The following USH2A variants were observed in gnomAD, a reference collection of about 807,000 sequenced individuals.
USH2A encodes Usher syndrome 2A (autosomal recessive, mild).
A neutral mutation model predicts 538.9 loss-of-function variants in USH2A; 443 were observed. The ratio of observed to expected loss-of-function variants is 0.82; its 90% confidence interval spans 0.76 to 0.89. The LOEUF (loss-of-function observed/expected upper bound fraction) is 0.89. Ranked by LOEUF, USH2A falls within the 40% of genes least tolerant of loss-of-function variation. The pLI is 0.00. For synonymous variants in USH2A, 2,413 were observed against 2,273.5 expected, an observed-to-expected ratio of 1.06 and a Z score of -1.75; for missense variants, 6,633 against 6,324.8, an observed-to-expected ratio of 1.05 and a Z score of -1.65.
intron 14 of USH2A, among the ~76,000 whole-genome samples, chr1:216,226,644 C>T (rs1414279318): frequency 6.6e-6 from 1 of 152,194 alleles, no homozygotes; most frequent in Non-Finnish European, 1.5e-5. Context: ...GTATCTCTCA[C>T]CTTTTGTTTT....
At chr1:216,294,140 TA>T (rs1264089063) in intron 9 of USH2A, among the ~76,000 whole-genome samples, 1 of 152,200 alleles carries the variant, frequency 6.6e-6, no homozygotes, top group Non-Finnish European at 1.5e-5. Flanking sequence ...TTTAACTTTC[TA>T]ATATAAATAC....
chr1:215,995,137 C>A (rs1485742601), intron 34 of USH2A, among the ~76,000 whole-genome samples: 1 of 152,036 alleles, frequency 6.6e-6, no homozygotes, highest in African/African-American at 2.4e-5. Context: ...CTATACTATA[C>A]AACATATAAG....
At chr1:215,844,598 G>C in intron 45 of USH2A, 102 bp from the exon 46 acceptor site, 2 of 1,208,286 alleles carry the variant, frequency 1.7e-6, no homozygotes, top group Non-Finnish European at 2.4e-6. Context: ...AGGGTTCCTC[G>C]CTTATCTGCT....
intron 38 of USH2A, among the ~76,000 whole-genome samples, chr1:215,914,895 T>C (rs1385264420): frequency 1.3e-5 from 2 of 152,178 alleles, no homozygotes; most frequent in Non-Finnish European, 2.9e-5. Context: ...TTAATTGAGT[T>C]GTTTATTAAA....
chr1:216,003,361 C>T (rs186772328), intron 32 of USH2A, among the ~76,000 whole-genome samples: 5 of 152,140 alleles, frequency 3.3e-5, no homozygotes, highest in South Asian at 2.1e-4. Flanking sequence ...GAATGTGTAA[C>T]GGAGTTTAAG....
intron 30 of USH2A, among the ~76,000 whole-genome samples, chr1:216,057,147 A>T (rs575993652): frequency 6.6e-5 from 10 of 151,426 alleles, no homozygotes; most frequent in South Asian, 2.1e-4. Context: ...TTTTTTTTTT[A>T]AAAAACAACT....
At chr1:216,166,993 T>C (rs1217558798) in intron 21 of USH2A, among the ~76,000 whole-genome samples, 2 of 152,114 alleles carry the variant, frequency 1.3e-5, no homozygotes, top group Non-Finnish European at 2.9e-5. Context: ...CATGCCTTTA[T>C]TTTGAAGTTG....
chr1:216,307,756 C>G (rs1420489195), intron 9 of USH2A, among the ~76,000 whole-genome samples: 6 of 152,198 alleles, frequency 3.9e-5, no homozygotes, highest in Non-Finnish European at 8.8e-5. Flanking sequence ...CCACAGGGCT[C>G]TTCCCCCTGC....
chr1:215,954,265 G>T (rs1039726373), intron 37 of USH2A, among the ~76,000 whole-genome samples: 2 of 151,958 alleles, frequency 1.3e-5, no homozygotes, highest in Non-Finnish European at 2.9e-5. Flanking sequence ...ACATGCACAC[G>T]TATGTTTATT....
intron 44 of USH2A, among the ~76,000 whole-genome samples, chr1:215,855,870 G>T (rs889765767): frequency 1.3e-5 from 2 of 152,096 alleles, no homozygotes; most frequent in Admixed American, 1.3e-4. Context: ...AGAGAACTCA[G>T]AAATAAAGCC....
intron 35 of USH2A, among the ~76,000 whole-genome samples, chr1:215,982,144 C>T (rs1487646134): frequency 3.3e-5 from 5 of 152,222 alleles, no homozygotes; most frequent in Admixed American, 6.5e-5. Flanking sequence ...TCTGTCATGA[C>T]CACGTACCTT....
At chr1:216,380,578 G>A (rs766269333) in intron 3 of USH2A, among the ~76,000 whole-genome samples, 1 of 152,030 alleles carries the variant, frequency 6.6e-6, no homozygotes, top group Non-Finnish European at 1.5e-5. Context: ...ATATATCTGT[G>A]AACAGAAAAA....
In USH2A at chr1:215,817,326, C is replaced by A. The variant is rs143547926; in HGVS notation, c.9372-131G>T. 1.3e-3 allele frequency: 553 copies of A among 441,160 alleles called. 6 individuals carry two copies. Among genetic ancestry groups the A allele is most frequent in the African/African-American group, 0.01 (486 of 47,610 alleles). 27.3% of individuals were successfully genotyped at this position (441,160 alleles called of 1,614,324 possible). A position where few individuals can be genotyped will look rare whatever the true frequency, so the allele number is the denominator to read the frequency against. ...AATTATATATGTTTATATATGAAAT[C>A]ATATATTTTCAAATCAATCAAAATT... On this transcript the variant is annotated intron_variant, in intron 47 of 71. Transcript: ENST00000307340.
intron 58 of USH2A, among the ~76,000 whole-genome samples, chr1:215,750,987 T>G (rs1660606579): frequency 6.6e-6 from 1 of 152,178 alleles, no homozygotes; most frequent in Non-Finnish European, 1.5e-5. Context: ...GAGTTTCACA[T>G]TTTCTTCTGA....
chr1:216,076,101 T>A (rs188788862), intron 27 of USH2A, among the ~76,000 whole-genome samples: 1 of 152,282 alleles, frequency 6.6e-6, no homozygotes, highest in African/African-American at 2.4e-5. Context: ...TAGATCAGTG[T>A]CTCTCAAGGC....
Position 216,247,200 on chromosome 1 carries a change from C to T in USH2A, c.2194G>A (p.Gly732Arg), listed in dbSNP as rs2036069585. 6.2e-7 allele frequency: 1 copy of T among 1,613,838 alleles called. No individual in the cohort carries two copies. The highest frequency in any genetic ancestry group is 2.2e-5 in the East Asian group (1 of 44,838). Reference sequence around the variant, plus strand: ...TTAAAGCTTCGGAGAAATTTAAATCCAAAATTGCAATGATCACACCTAAGC... The same window carrying T: ...TTAAAGCTTCGGAGAAATTTAAATCTAAAATTGCAATGATCACACCTAAGC... Reference protein sequence around the residue: ...IGLRCDHCNFGFKFLRSFNDV... With the variant: ...IGLRCDHCNFRFKFLRSFNDV... The change falls in exon 13 of 72, where the codon GGA (glycine) becomes AGA (arginine). Residue 732 changes from glycine to arginine, a missense_variant. Coordinates refer to ENST00000307340, the MANE Select transcript of USH2A (RefSeq NM_206933.4).
At chr1:215,983,769 A>G (rs932044638) in intron 35 of USH2A, among the ~76,000 whole-genome samples, 1 of 152,244 alleles carries the variant, frequency 6.6e-6, no homozygotes, top group African/African-American at 2.4e-5. Context: ...ATTTACAAAG[A>G]TGCGGACAGG....
chr1:216,406,520 G>A (rs2039396640), intron 3 of USH2A, among the ~76,000 whole-genome samples: 1 of 152,116 alleles, frequency 6.6e-6, no homozygotes, highest in South Asian at 2.1e-4. Flanking sequence ...TTAAAAATAT[G>A]CAAACCAACA....
intron 67 of USH2A, among the ~76,000 whole-genome samples, chr1:215,641,317 A>C (rs1656677558): frequency 6.6e-6 from 1 of 152,188 alleles, no homozygotes; most frequent in South Asian, 2.1e-4. Context: ...ATAGTTAAAA[A>C]GCCTTGCAAA....
Sources: gnomAD v4.1 joint callset for allele counts (sites outside exome capture counted in the v4.1 genomes callset) on GRCh38, gnomAD v4.1.1 for gene constraint, MANE v1.5 for transcripts, NCBI Gene and HGNC (gene_info 2026-07-23, HGNC 2026-07-21) for gene names.